LRRC63: variants seen among roughly 807,000 people sequenced by gnomAD.
LRRC63 encodes leucine-rich repeat-containing protein 63.
A neutral mutation model predicts 49.5 loss-of-function variants in LRRC63; 40 were observed. That is an observed-to-expected ratio of 0.81 (90% confidence interval 0.63 to 1.05). The LOEUF is 1.05. LRRC63 is among the 50% of genes least tolerant of loss of function. The pLI, the probability that LRRC63 is intolerant of heterozygous loss-of-function variation, is 0.00. For missense variants in LRRC63, 636 were observed against 663.1 expected (o/e 0.96, Z 0.45); for synonymous variants, 191 against 221.1 (o/e 0.86, Z 1.21).
At chr13:46,257,759 G>A (rs2047538181) in intron 7 of LRRC63, among the ~76,000 whole-genome samples, 1 of 152,044 alleles carries the variant, frequency 6.6e-6, no homozygotes, top group South Asian at 2.1e-4. Context: ...CTAGTGTTAG[G>A]ATTTAAATTA....
chr13:46,218,124 G>T (rs1218450649), intron 2 of LRRC63, among the ~76,000 whole-genome samples: 1 of 152,142 alleles, frequency 6.6e-6, no homozygotes, highest in Non-Finnish European at 1.5e-5. Flanking sequence ...GGTCTTCTTG[G>T]TCCAAAGCTG....
At chr13:46,246,482 G>A (rs1305807425) in intron 5 of LRRC63, 45 bp from the exon 6 acceptor site, 2 of 909,898 alleles carry the variant, frequency 2.2e-6, no homozygotes, top group Non-Finnish European at 3.1e-6. Context: ...ACTATTTTGT[G>A]CCTTGTTAGT....
chr13:46,216,458 C>G (rs1852642702), intron 2 of LRRC63, among the ~76,000 whole-genome samples: 2 of 152,196 alleles, frequency 1.3e-5, no homozygotes, highest in African/African-American at 4.8e-5. Flanking sequence ...GATTTTTACA[C>G]ATTGATTTTG....
At chr13:46,276,270 A>G (rs1292563856) in intron 9 of LRRC63, among the ~76,000 whole-genome samples, 1 of 151,384 alleles carries the variant, frequency 6.6e-6, no homozygotes, top group African/African-American at 2.5e-5. Context: ...AAAGAAACAC[A>G]TTATAAAGAA....
At chr13:46,243,647 G>C (rs1021040462) in intron 5 of LRRC63, among the ~76,000 whole-genome samples, 1 of 152,102 alleles carries the variant, frequency 6.6e-6, no homozygotes, top group Non-Finnish European at 1.5e-5. Context: ...GTCAAGAATG[G>C]TAAGACAAGG....
rs1323007110 is a variant in LRRC63, at chr13:46,250,357, A to G, written c.1092A>G (p.Ile364Met). The G allele has an allele frequency of 2.7e-6, 4 of 1,501,454 alleles. No homozygotes were observed. In the East Asian group the frequency reaches 7.4e-5, roughly 28 times the overall value. The allele number at this position is 1,501,454 out of a possible 1,614,324, so 93.0% of individuals were successfully genotyped here. A position where few individuals can be genotyped will look rare whatever the true frequency, so the allele number is the denominator to read the frequency against. Reference sequence around the variant, plus strand: ...TGTTTCTCTTTTCTGTTCCCCAGATATTATGTCTTAAAAATTTACAAATAC... The same window carrying G: ...TGTTTCTCTTTTCTGTTCCCCAGATGTTATGTCTTAAAAATTTACAAATAC... Residue 364 changes from isoleucine (I) to methionine (M), a missense_variant and splice_region_variant, in exon 7 of 10, where the codon ATA becomes ATG. Physicochemically the swap from Ile to Met is conservative, Grantham distance 10. Transcript: ENST00000595396.
rs536155759 is a variant in LRRC63, at chr13:46,239,493, A to C, written c.990+5144A>C. Among the ~76,000 whole-genome samples the C allele has an allele frequency of 5.3e-5, 8 of 152,282 alleles. No homozygotes were observed. In the South Asian group the frequency reaches 1.5e-3, roughly 28 times the overall value. On this transcript the variant is annotated intron_variant, in intron 5 of 9. Transcript: ENST00000595396. ...TGAGCTCCAAAACTAAATCAGTAAT[A>C]AATAGCCCACCAACCAAAAAAAGCC...
At chr13:46,224,615 G>A (rs536114806) in intron 2 of LRRC63, among the ~76,000 whole-genome samples, 31 of 152,170 alleles carry the variant, frequency 2.0e-4, no homozygotes, top group Non-Finnish European at 4.3e-4. Context: ...TTTTCCTTTG[G>A]AAGTTTCATA....
intron 5 of LRRC63, among the ~76,000 whole-genome samples, chr13:46,244,439 C>T (rs1341147783): frequency 6.6e-6 from 1 of 152,066 alleles, no homozygotes; most frequent in Non-Finnish European, 1.5e-5. Flanking sequence ...GGTGTTTGAA[C>T]AAATCGTCTG....
At chr13:46,213,144 T>TTAAC in intron 2 of LRRC63, 25 bp downstream of exon 2, 1 of 1,375,488 alleles carries the variant, frequency 7.3e-7, no homozygotes, top group African/African-American at 1.5e-5. Flanking sequence ...CAGATATGTG[T>TTAAC]ATTAACATTT....
intron 6 of LRRC63, among the ~76,000 whole-genome samples, chr13:46,249,482 A>G (rs1425426759): frequency 1.3e-5 from 2 of 151,888 alleles, no homozygotes; most frequent in Non-Finnish European, 2.9e-5. Flanking sequence ...AGATTTAAAG[A>G]AAATACTATA....
intron 2 of LRRC63, among the ~76,000 whole-genome samples, chr13:46,218,746 T>A (rs529336515): frequency 6.6e-6 from 1 of 152,320 alleles, no homozygotes; most frequent in East Asian, 1.9e-4. Context: ...GTACCAGTTT[T>A]TACCTTCCAT....
At chr13:46,237,768 A>G (rs1024455006) in intron 5 of LRRC63, among the ~76,000 whole-genome samples, 1 of 152,142 alleles carries the variant, frequency 6.6e-6, no homozygotes, top group African/African-American at 2.4e-5. Flanking sequence ...AAATATTACA[A>G]CTGGCCTTAC....
chr13:46,271,050 C>T (rs1313338917), intron 9 of LRRC63, among the ~76,000 whole-genome samples: 5 of 152,092 alleles, frequency 3.3e-5, no homozygotes, highest in Admixed American at 2.6e-4. Flanking sequence ...TTAGAGGGTA[C>T]CATAAACGAA....
At chr13:46,227,922 G>A in exon 3 of LRRC63, 2 of 1,550,590 alleles carry the variant, frequency 1.3e-6, no homozygotes, top group Non-Finnish European at 1.7e-6. Context: ...TCCTGGCTCA[G>A]TTATCGCTCA....
At chr13:46,213,701 C>G (rs759912100) in intron 2 of LRRC63, among the ~76,000 whole-genome samples, 16 of 152,034 alleles carry the variant, frequency 1.1e-4, no homozygotes, top group Non-Finnish European at 1.6e-4. Flanking sequence ...TCAATGTTAA[C>G]AAATCAACTG....
At position 46,266,744 on chromosome 13, in the gene LRRC63, AACTG is replaced by A; in HGVS notation, c.1327_1330del (p.Thr443LeufsTer6). ...TCCTTTATTTACAGATCACTTGAAA[AACTG>A]ACTGTTGATGGGAATGAACTGAGTT... is the stretch of plus-strand genomic sequence containing the variant. On this transcript the variant is annotated frameshift_variant, in exon 9 of 10. Transcript: ENST00000595396. LOFTEE classifies it high-confidence loss of function. The A allele has an allele frequency of 6.5e-7, 1 of 1,542,780 alleles. No individual in the cohort carries two copies. The highest frequency in any genetic ancestry group is 2.0e-5 in the Admixed American group (1 of 49,212).
intron 5 of LRRC63, among the ~76,000 whole-genome samples, chr13:46,240,116 C>T (rs2047014218): frequency 6.9e-6 from 1 of 144,212 alleles, no homozygotes; most frequent in African/African-American, 2.7e-5. Context: ...CTCTATCTCT[C>T]TCTCTTTTTC....
intron 5 of LRRC63, among the ~76,000 whole-genome samples, chr13:46,242,493 A>G (rs1226139959): frequency 2.6e-5 from 4 of 152,188 alleles, no homozygotes; most frequent in African/African-American, 7.2e-5. Flanking sequence ...AAAGACCTAG[A>G]AAACATATTT....
Sources: allele counts gnomAD v4.1 joint callset (sites outside exome capture counted in the v4.1 genomes callset), GRCh38; gene constraint gnomAD v4.1.1; transcripts MANE v1.5; gene names NCBI Gene and HGNC (gene_info 2026-07-23, HGNC 2026-07-21).